Variants in NCAM1 observed in about 807,000 individuals in gnomAD.
NCAM1 encodes the protein neural cell adhesion molecule 1, also known as antigen recognized by monoclonal antibody 5.1H11.
A neutral mutation model predicts 109.8 loss-of-function variants in NCAM1; 14 were observed. That is an observed-to-expected ratio of 0.13 (90% CI 0.08 to 0.20). The LOEUF is 0.20. Ranked by LOEUF, NCAM1 falls within the 10% of genes least tolerant of loss-of-function variation. The pLI, the probability that NCAM1 is intolerant of heterozygous loss-of-function variation, is 1.00. For synonymous variants in NCAM1, 418 were observed against 442.9 expected, an observed-to-expected ratio of 0.94 and a Z score of 0.70; for missense variants, 774 against 1,109.9, an observed-to-expected ratio of 0.70 and a Z score of 4.30.
intron 1 of NCAM1, among the ~76,000 whole-genome samples, chr11:113,017,460 T>G (rs1555075464): frequency 6.6e-6 from 1 of 152,182 alleles, no homozygotes; most frequent in Non-Finnish European, 1.5e-5. Flanking sequence ...AAAACAATGG[T>G]TAGTATTCCC....
At chr11:113,178,033 A>T (rs550557903) in intron 1 of NCAM1, among the ~76,000 whole-genome samples, 9 of 152,324 alleles carry the variant, frequency 5.9e-5, no homozygotes, top group Admixed American at 4.6e-4. Flanking sequence ...TCTAAAAAAA[A>T]CTTCCTTAAA....
chr11:113,210,632 T>C (rs1944359108), intron 7 of NCAM1, among the ~76,000 whole-genome samples: 1 of 151,086 alleles, frequency 6.6e-6, no homozygotes, highest in Non-Finnish European at 1.5e-5. Context: ...TGCCCCGGAG[T>C]AGTGAGTGCA....
At chr11:113,053,995 C>A (rs572280582) in intron 1 of NCAM1, among the ~76,000 whole-genome samples, 1 of 152,202 alleles carries the variant, frequency 6.6e-6, no homozygotes, top group African/African-American at 2.4e-5. Flanking sequence ...TTCAGAATCA[C>A]TGTTTGTCTC....
intron 1 of NCAM1, among the ~76,000 whole-genome samples, chr11:113,126,676 T>A (rs1344681509): frequency 6.6e-6 from 1 of 152,222 alleles, no homozygotes; most frequent in East Asian, 1.9e-4. Context: ...AGTTTTGAAA[T>A]TCTTTTACAT....
chr11:113,116,234 T>C (rs973349290), intron 1 of NCAM1, among the ~76,000 whole-genome samples: 2 of 152,266 alleles, frequency 1.3e-5, no homozygotes, highest in Non-Finnish European at 2.9e-5. Context: ...TCAAAAGTAC[T>C]CTAAAACTAT....
At chr11:113,058,018 C>G (rs1340082115) in intron 1 of NCAM1, among the ~76,000 whole-genome samples, 1 of 152,094 alleles carries the variant, frequency 6.6e-6, no homozygotes, top group Non-Finnish European at 1.5e-5. Context: ...GGTTTGGTGG[C>G]TCACACCTGT....
intron 15 of NCAM1, among the ~76,000 whole-genome samples, chr11:113,253,274 C>A (rs1945742429): frequency 6.6e-6 from 1 of 152,102 alleles, no homozygotes; most frequent in East Asian, 1.9e-4. Context: ...ACTTTTTCAA[C>A]ATTTTAAAGC....
intron 1 of NCAM1, among the ~76,000 whole-genome samples, chr11:113,016,425 T>C (rs1952206594): frequency 6.6e-6 from 1 of 152,230 alleles, no homozygotes; most frequent in African/African-American, 2.4e-5. Context: ...TTTCTGGTGC[T>C]GCTCTCATGC....
intron 1 of NCAM1, among the ~76,000 whole-genome samples, chr11:112,975,483 G>T (rs2134598293): frequency 6.6e-6 from 1 of 152,112 alleles, no homozygotes; most frequent in Admixed American, 6.6e-5. Flanking sequence ...CCTGTGGAAT[G>T]ACACAAAAGA....
intron 15 of NCAM1, among the ~76,000 whole-genome samples, chr11:113,252,971 A>G (rs1046957459): frequency 6.6e-6 from 1 of 151,876 alleles, no homozygotes; most frequent in Non-Finnish European, 1.5e-5. Context: ...TTTAATATAA[A>G]ATGCTCTAAA....
chr11:113,197,337 C>T (rs1213002373), intron 1 of NCAM1: 1 of 155,066 alleles, frequency 6.4e-6, no homozygotes, highest in African/African-American at 2.4e-5. Flanking sequence ...GAGACCTTAG[C>T]ATTCAGTTAT....
intron 1 of NCAM1, chr11:113,041,280 TG>T (rs1257982843): frequency 1.3e-5 from 2 of 152,248 alleles, no homozygotes; most frequent in African/African-American, 4.8e-5. Context: ...TTTGTTAATG[TG>T]GTTATGTTTA....
At chr11:113,200,986 C>T (rs901197339) in intron 1 of NCAM1, among the ~76,000 whole-genome samples, 1 of 152,164 alleles carries the variant, frequency 6.6e-6, no homozygotes, top group Non-Finnish European at 1.5e-5. Context: ...CTCTGATTTT[C>T]ACAGATGACA....
At chr11:113,270,937 C>A (rs782230702) in intron 18 of NCAM1, among the ~76,000 whole-genome samples, 25 of 152,142 alleles carry the variant, frequency 1.6e-4, no homozygotes, top group Non-Finnish European at 3.7e-4. Context: ...AGATCCTAAG[C>A]CAGTTAGCAA....
intron 1 of NCAM1, among the ~76,000 whole-genome samples, chr11:113,001,712 G>C (rs942563270): frequency 7.2e-5 from 11 of 152,046 alleles, no homozygotes; most frequent in Non-Finnish European, 1.5e-4. Context: ...CTAACCTTGT[G>C]TTAGGTGTCT....
At chr11:113,195,855 C>T (rs1053577127) in intron 1 of NCAM1, among the ~76,000 whole-genome samples, 1 of 151,600 alleles carries the variant, frequency 6.6e-6, no homozygotes, top group African/African-American at 2.4e-5. Flanking sequence ...ATATAAGAGG[C>T]CCCTGTTATC....
At chr11:113,083,616 G>A (rs1047966028) in intron 1 of NCAM1, among the ~76,000 whole-genome samples, 3 of 152,212 alleles carry the variant, frequency 2.0e-5, no homozygotes, top group Non-Finnish European at 4.4e-5. Context: ...TTGCTTTTCA[G>A]TATGTTTGGC....
At chr11:113,067,763 C>A (rs1591297898) in intron 1 of NCAM1, among the ~76,000 whole-genome samples, 1 of 152,270 alleles carries the variant, frequency 6.6e-6, no homozygotes, top group South Asian at 2.1e-4. Flanking sequence ...CAAATGATTC[C>A]ATTACAAAGG....
intron 9 of NCAM1, among the ~76,000 whole-genome samples, chr11:113,222,655 C>T (rs139737948): frequency 6.6e-4 from 101 of 152,330 alleles, no homozygotes; most frequent in South Asian, 3.3e-3. Context: ...TAAGCAGCTA[C>T]AGATCTCATT....
Sources: allele counts gnomAD v4.1 joint callset (sites outside exome capture counted in the v4.1 genomes callset), GRCh38; gene constraint gnomAD v4.1.1; transcripts MANE v1.5; gene names NCBI Gene and HGNC (gene_info 2026-07-23, HGNC 2026-07-21).